ENOX1: variants seen among roughly 807,000 people sequenced by gnomAD.
ENOX1 encodes candidate growth-related and time keeping constitutive hydroquinone (NADH) oxidase.
ENOX1 carries 42 observed loss-of-function variants against 82.5 expected under a neutral mutation model. That is an observed-to-expected ratio of 0.51 (90% confidence interval 0.40 to 0.66). The LOEUF is 0.66. Ranked by LOEUF, ENOX1 falls within the 30% of genes least tolerant of loss-of-function variation. ENOX1 has a pLI of 0.00. For synonymous variants in ENOX1, 271 were observed against 282.2 expected (o/e 0.96, Z 0.40); for missense variants, 608 against 811.6 (o/e 0.75, Z 3.05).
At chr13:43,609,104 T>C (rs1887947) in intron 2 of ENOX1, among the ~76,000 whole-genome samples, 148,895 of 152,300 alleles carry the variant, frequency 0.98, 72,882 homozygotes, top group Middle Eastern at 1. Context: ...CCTTGTATTT[T>C]ATAGTCTAAT....
At chr13:43,323,634 C>G (rs1168847400) in intron 10 of ENOX1, among the ~76,000 whole-genome samples, 1 of 152,166 alleles carries the variant, frequency 6.6e-6, no homozygotes, top group Non-Finnish European at 1.5e-5. Flanking sequence ...TTCAGAAATA[C>G]TTAAAACAGG....
At chr13:43,281,941 GAT>G (rs1180641891) in intron 12 of ENOX1, among the ~76,000 whole-genome samples, 1 of 152,114 alleles carries the variant, frequency 6.6e-6, no homozygotes, top group African/African-American at 2.4e-5. Flanking sequence ...TAGTCCAAGT[GAT>G]TATATGAGGA....
intron 12 of ENOX1, among the ~76,000 whole-genome samples, chr13:43,293,961 T>C (rs1221674650): frequency 6.6e-6 from 1 of 152,192 alleles, no homozygotes; most frequent in African/African-American, 2.4e-5. Context: ...AAAAAATGCT[T>C]GTCACTTAAT....
chr13:43,455,331 G>A (rs1303446559), intron 3 of ENOX1, among the ~76,000 whole-genome samples: 1 of 152,100 alleles, frequency 6.6e-6, no homozygotes, highest in Non-Finnish European at 1.5e-5. Context: ...TGTGACCTGT[G>A]TTACTCCTCT....
chr13:43,777,544 C>CTT (rs34345866), intron 1 of ENOX1, among the ~76,000 whole-genome samples: 98 of 142,332 alleles, frequency 6.9e-4, no homozygotes, highest in East Asian at 2.5e-3. Flanking sequence ...TGTATTATTT[C>CTT]TTTTTTTTTT....
intron 9 of ENOX1, among the ~76,000 whole-genome samples, chr13:43,327,843 T>C (rs1044769874): frequency 1.3e-5 from 2 of 152,176 alleles, no homozygotes; most frequent in Admixed American, 6.5e-5. Context: ...TCACTTACAA[T>C]ATCGTGAATA....
chr13:43,223,889 A>G (rs533712765), intron 16 of ENOX1, among the ~76,000 whole-genome samples, 164 bp downstream of exon 16: 114 of 152,172 alleles, frequency 7.5e-4, no homozygotes, highest in African/African-American at 2.7e-3. Flanking sequence ...AAGCAAAAAG[A>G]GGAGAACAAG....
intron 2 of ENOX1, among the ~76,000 whole-genome samples, chr13:43,595,456 C>A (rs79023761): frequency 0.012 from 1,878 of 152,164 alleles, 34 homozygotes; most frequent in African/African-American, 0.043. Flanking sequence ...TACATGTGCA[C>A]AACGTGCAGG....
intron 2 of ENOX1, among the ~76,000 whole-genome samples, chr13:43,591,269 T>C (rs2081234329): frequency 6.6e-6 from 1 of 152,212 alleles, no homozygotes; most frequent in Non-Finnish European, 1.5e-5. Flanking sequence ...ATTAAAAACT[T>C]CTGAATAGTC....
chr13:43,732,477 T>C (rs1385802284), intron 1 of ENOX1, among the ~76,000 whole-genome samples: 3 of 152,180 alleles, frequency 2.0e-5, no homozygotes, highest in African/African-American at 7.2e-5. Flanking sequence ...ATTCACTTCA[T>C]TTTCTACCAA....
intron 2 of ENOX1, among the ~76,000 whole-genome samples, chr13:43,496,724 C>T (rs901700901): frequency 6.6e-6 from 1 of 152,050 alleles, no homozygotes; most frequent in African/African-American, 2.4e-5. Context: ...AACAAAATTG[C>T]TTTGTTATTA....
At chr13:43,710,869 A>AT (rs11431315) in intron 1 of ENOX1, among the ~76,000 whole-genome samples, 15,487 of 150,664 alleles carry the variant, frequency 0.1, 1,327 homozygotes, top group East Asian at 0.27. Flanking sequence ...TAAAAGAAAT[A>AT]CCTTTTTTTT....
chr13:43,681,425 C>T (rs2085776800), intron 1 of ENOX1, among the ~76,000 whole-genome samples: 1 of 152,134 alleles, frequency 6.6e-6, no homozygotes, highest in South Asian at 2.1e-4. Context: ...ATACATTTAC[C>T]CAAAAGCAAT....
intron 2 of ENOX1, among the ~76,000 whole-genome samples, chr13:43,651,628 C>T (rs570216556): frequency 4.7e-5 from 7 of 147,858 alleles, no homozygotes; most frequent in African/African-American, 9.9e-5. Flanking sequence ...ACCCAGGATG[C>T]GGAGGTTGCA....
At chr13:43,550,659 C>T (rs1172722576) in intron 2 of ENOX1, among the ~76,000 whole-genome samples, 1 of 152,012 alleles carries the variant, frequency 6.6e-6, no homozygotes, top group Non-Finnish European at 1.5e-5. Flanking sequence ...TATTACTGGC[C>T]CAATTTATAG....
chr13:43,393,266 C>T lies in ENOX1; in HGVS notation c.208+18650G>A, dbSNP rs184149369. 1.8e-4 allele frequency among the ~76,000 whole-genome samples: 27 copies of T among 152,122 alleles called. No individual in the cohort carries two copies. In the East Asian group the frequency reaches 4.0e-3, roughly 23 times the overall value. On this transcript the variant is annotated intron_variant, in intron 5 of 16. Transcript: ENST00000690772. Reference sequence around the variant, plus strand: ...GAGCTACCTGCTATGGGTATTTAGGCCTAAGTCCTGATAAAAGGTAATCAC... The same window carrying T: ...GAGCTACCTGCTATGGGTATTTAGGTCTAAGTCCTGATAAAAGGTAATCAC...
Position 43,470,382 on chromosome 13 carries a change from ATATACGTATATATATGTG to A in ENOX1, c.-75+13609_-75+13626del, listed in dbSNP as rs2058007173. Among the ~76,000 whole-genome samples the A allele has an allele frequency of 9.7e-5, 3 of 31,026 alleles. 1 individual carries two copies. The highest frequency in any genetic ancestry group is 3.3e-4 in the Non-Finnish European group (3 of 8,974). 20.4% of individuals were successfully genotyped at this position (31,026 alleles called of 152,430 possible). ...TATATATACGTATATATATACATAT[ATATACGTATATATATGTG>A]TATATATATATATATATAACAGAGA... is the stretch of plus-strand genomic sequence containing the variant. On this transcript the variant is annotated intron_variant, in intron 3 of 16. Coordinates refer to ENST00000690772, the MANE Select transcript of ENOX1 (RefSeq NM_001347969.2).
In ENOX1 at chr13:43,224,038, A is replaced by T. The variant is rs2041916666; in HGVS notation, c.1800+15T>A. On this transcript the variant is annotated intron_variant, in intron 16 of 16. Coordinates refer to ENST00000690772, the MANE Select transcript of ENOX1 (RefSeq NM_001347969.2). ...AATTTGAGCAACGAAAGTTCACTCGAGCAAAATAATTTACCTTGGAGTCCA... is the reference window on the plus strand; with the variant it reads ...AATTTGAGCAACGAAAGTTCACTCGTGCAAAATAATTTACCTTGGAGTCCA... 1 of 1,608,622 alleles carries T rather than the reference A, an allele frequency of 6.2e-7. No individual in the cohort carries two copies. The highest frequency in any genetic ancestry group is 1.7e-5 in the Admixed American group (1 of 59,970).
At chr13:43,506,752 C>T (rs1405834024) in intron 2 of ENOX1, among the ~76,000 whole-genome samples, 4 of 140,776 alleles carry the variant, frequency 2.8e-5, no homozygotes, top group South Asian at 2.2e-4. Context: ...AACCCAACAC[C>T]GCATGTTCTC....
Sources: allele counts gnomAD v4.1 joint callset (sites outside exome capture counted in the v4.1 genomes callset), GRCh38; gene constraint gnomAD v4.1.1; transcripts MANE v1.5; gene names NCBI Gene and HGNC (gene_info 2026-07-23, HGNC 2026-07-21).